The following ASTN2 variants were observed in gnomAD, a reference collection of about 807,000 sequenced individuals.
The protein encoded by ASTN2 is astrotactin-2.
In ASTN2, 54 loss-of-function variants were observed where a neutral mutation model predicts 139.8. That is an observed-to-expected ratio of 0.39 (90% CI 0.31 to 0.48). The LOEUF (loss-of-function observed/expected upper bound fraction) is 0.48, where lower values mean the gene tolerates loss of function less well. Ranked by LOEUF, ASTN2 falls within the 20% of genes least tolerant of loss-of-function variation. The probability of loss-of-function intolerance (pLI) is 0.95; values close to 1 mark genes in which losing one functional copy is unlikely to be tolerated. For missense variants in ASTN2, 1,565 were observed against 1,725.1 expected, an observed-to-expected ratio of 0.91 and a Z score of 1.64; for synonymous variants, 756 against 719.5, an observed-to-expected ratio of 1.05 and a Z score of -0.81.
chr9:116,634,613 A>T (rs1240221670), intron 17 of ASTN2, among the ~76,000 whole-genome samples: 9 of 148,266 alleles, frequency 6.1e-5, no homozygotes, highest in Non-Finnish European at 1.0e-4. Context: ...AAAAAAAAAA[A>T]AAATAAGCAA....
intron 13 of ASTN2, among the ~76,000 whole-genome samples, chr9:116,778,008 A>AACTTTT (rs1830127335): frequency 6.6e-6 from 1 of 151,918 alleles, no homozygotes; most frequent in Non-Finnish European, 1.5e-5. Context: ...ACACCCAGCT[A>AACTTTT]ATTTTTATTT....
At chr9:116,655,746 A>AGT in intron 16 of ASTN2, among the ~76,000 whole-genome samples, 1 of 152,240 alleles carries the variant, frequency 6.6e-6, no homozygotes, top group East Asian at 1.9e-4. Context: ...GGTTGAAGTC[A>AGT]GTGGCACAAT....
intron 11 of ASTN2, among the ~76,000 whole-genome samples, chr9:116,835,120 ATAT>A (rs1170190419): frequency 6.6e-6 from 1 of 152,186 alleles, no homozygotes; most frequent in Non-Finnish European, 1.5e-5. Context: ...GCATTACATT[ATAT>A]TATTATGTTT....
chr9:116,776,510 CCTGA>C (rs1483211647), intron 13 of ASTN2, among the ~76,000 whole-genome samples: 10 of 152,160 alleles, frequency 6.6e-5, no homozygotes. Context: ...TATACTCTTC[CCTGA>C]CTATATGCCT....
chr9:117,172,540 T>C (rs913404072), intron 3 of ASTN2, among the ~76,000 whole-genome samples: 1 of 152,164 alleles, frequency 6.6e-6, no homozygotes, highest in East Asian at 1.9e-4. Context: ...CATCACCTCA[T>C]ACATTCCTCA....
At chr9:117,078,083 T>C (rs1415393377) in intron 5 of ASTN2, among the ~76,000 whole-genome samples, 1 of 152,180 alleles carries the variant, frequency 6.6e-6, no homozygotes, top group African/African-American at 2.4e-5. Flanking sequence ...CCTTCCCAGG[T>C]GAGCTCCTCC....
chr9:116,704,174 C>CCTAT, intron 16 of ASTN2, among the ~76,000 whole-genome samples: 1 of 152,134 alleles, frequency 6.6e-6, no homozygotes, highest in East Asian at 1.9e-4. Context: ...CCTCAATTTC[C>CCTAT]CTATCTGTTA....
At chr9:117,016,122 T>C (rs927321759) in intron 6 of ASTN2, among the ~76,000 whole-genome samples, 4 of 152,134 alleles carry the variant, frequency 2.6e-5, no homozygotes, top group African/African-American at 4.8e-5. Flanking sequence ...TTTGGGGATG[T>C]TATGTCCTTA....
At chr9:116,651,886 G>A in intron 16 of ASTN2, 93 bp from the exon 17 acceptor site, 1 of 1,452,218 alleles carries the variant, frequency 6.9e-7, no homozygotes, top group Non-Finnish European at 9.3e-7. Context: ...ATGCTAAGAA[G>A]CTGGTATCCA....
chr9:116,920,061 C>G (rs1389839731), intron 10 of ASTN2, among the ~76,000 whole-genome samples: 1 of 152,100 alleles, frequency 6.6e-6, no homozygotes, highest in Non-Finnish European at 1.5e-5. Flanking sequence ...ATGGACAAGT[C>G]TTGTTTCAAA....
At chr9:117,050,135 C>G (rs191021514) in intron 5 of ASTN2, among the ~76,000 whole-genome samples, 105 of 152,130 alleles carry the variant, frequency 6.9e-4, no homozygotes, top group African/African-American at 2.4e-3. Context: ...ACATTCAGCC[C>G]ACACCACCGA....
intron 11 of ASTN2, among the ~76,000 whole-genome samples, chr9:116,830,480 C>A (rs1044431084): frequency 2.0e-5 from 3 of 151,824 alleles, no homozygotes; most frequent in African/African-American, 7.3e-5. Flanking sequence ...TGGGTATAAA[C>A]CCAAAGAGAA....
intron 17 of ASTN2, among the ~76,000 whole-genome samples, chr9:116,626,377 A>T (rs1163273056): frequency 6.6e-6 from 1 of 151,082 alleles, no homozygotes; most frequent in Admixed American, 6.6e-5. Flanking sequence ...GGCCCCAAAA[A>T]TATGTTTTAA....
At chr9:116,446,258 G>A (rs1847987506) in intron 20 of ASTN2, among the ~76,000 whole-genome samples, 1 of 87,010 alleles carries the variant, frequency 1.1e-5, no homozygotes, top group African/African-American at 3.7e-5. Context: ...GGGAGAGGGA[G>A]AGAGAGAGAG....
chr9:116,431,930 TA>T (rs60695252), intron 22 of ASTN2, among the ~76,000 whole-genome samples: 1 of 152,158 alleles, frequency 6.6e-6, no homozygotes, highest in African/African-American at 2.4e-5. Flanking sequence ...AATGTAAAGC[TA>T]AAGTCCTCTA....
intron 13 of ASTN2, among the ~76,000 whole-genome samples, chr9:116,803,378 T>C (rs1213911953): frequency 6.7e-6 from 1 of 148,242 alleles, no homozygotes; most frequent in Non-Finnish European, 1.5e-5. Flanking sequence ...TGCAGTGGCA[T>C]GATCATAGCT....
intron 10 of ASTN2, among the ~76,000 whole-genome samples, chr9:116,961,540 T>C (rs779337049): frequency 9.9e-5 from 15 of 152,244 alleles, no homozygotes; most frequent in Non-Finnish European, 4.4e-5. Flanking sequence ...TTGTAGCATA[T>C]GTCAGAATGT....
At chr9:116,471,124 T>G (rs1848799149) in intron 20 of ASTN2, among the ~76,000 whole-genome samples, 1 of 152,216 alleles carries the variant, frequency 6.6e-6, no homozygotes, top group African/African-American at 2.4e-5. Context: ...GTGTCTTCTT[T>G]GCCCCTTTGC....
In ASTN2 at chr9:116,831,716, G is replaced by T. The variant is rs547515031; in HGVS notation, c.2041-10933C>A. On this transcript the variant is annotated intron_variant, in intron 11 of 22. Coordinates refer to ENST00000313400, the MANE Select transcript of ASTN2 (RefSeq NM_001365068.1). ...GGGTAGACAGACTTCTTCCACTTTA[G>T]CCTTCTTTTTCAAAAGAAGTTTTGG... is the stretch of plus-strand genomic sequence containing the variant. Among the ~76,000 whole-genome samples the T allele has an allele frequency of 1.8e-4, 27 of 152,254 alleles. No homozygotes were observed. In the South Asian group the frequency reaches 2.9e-3, roughly 16 times the overall value.
Sources: gnomAD v4.1 joint callset for allele counts (sites outside exome capture counted in the v4.1 genomes callset) on GRCh38, gnomAD v4.1.1 for gene constraint, MANE v1.5 for transcripts, NCBI Gene and HGNC (gene_info 2026-07-23, HGNC 2026-07-21) for gene names.